The following NFASC variants were observed in gnomAD, a reference collection of about 807,000 sequenced individuals.
NFASC encodes the protein neurofascin homolog.
NFASC carries 43 observed loss-of-function variants against 147.5 expected under a neutral mutation model. The ratio of observed to expected loss-of-function variants is 0.29; its 90% CI spans 0.23 to 0.38. The LOEUF is 0.38. Ranked by LOEUF, NFASC falls within the 10% of genes least tolerant of loss-of-function variation. The probability of loss-of-function intolerance (pLI) is 1.00; values close to 1 mark genes in which losing one functional copy is unlikely to be tolerated. For synonymous variants in NFASC, 622 were observed against 665.5 expected, an observed-to-expected ratio of 0.93 and a Z score of 1.01; for missense variants, 1,320 against 1,689.0, an observed-to-expected ratio of 0.78 and a Z score of 3.83.
intron 1 of NFASC, among the ~76,000 whole-genome samples, chr1:204,855,948 A>G (rs555168327): frequency 1.6e-4 from 24 of 152,316 alleles, no homozygotes; most frequent in African/African-American, 5.8e-4. Flanking sequence ...GACCTTTTAT[A>G]TATGTTTCAT....
At chr1:204,830,006 G>GTGTGTGTGT (rs1671738105) in intron 1 of NFASC, among the ~76,000 whole-genome samples, 1 of 144,012 alleles carries the variant, frequency 6.9e-6, no homozygotes, top group African/African-American at 2.6e-5. Flanking sequence ...TTTGGCATGG[G>GTGTGTGTGT]GTGTGTGTGT....
intron 1 of NFASC, among the ~76,000 whole-genome samples, chr1:204,899,527 G>A (rs753155839): frequency 7.2e-5 from 11 of 152,280 alleles, no homozygotes; most frequent in East Asian, 5.8e-4. Context: ...TCCAGCAGAC[G>A]TTCCAGAGCC....
intron 8 of NFASC, among the ~76,000 whole-genome samples, chr1:204,959,027 A>G (rs35288741): frequency 0.29 from 44,074 of 150,886 alleles, 6,751 homozygotes; most frequent in Non-Finnish European, 0.35. Flanking sequence ...TGGATCCAAA[A>G]GGAAGCAGCT....
rs180740400 is a variant in NFASC at position 204,831,452 on chromosome 1, G to C, written c.-200+2670G>C. Among the ~76,000 whole-genome samples, 4 of 151,926 alleles carry C rather than the reference G, an allele frequency of 2.6e-5. No individual in the cohort carries two copies. In the East Asian group the frequency reaches 7.8e-4, roughly 30 times the overall value. ...TTGCATTTCTGGGGTGGGTGGGCCA[G>C]AGGAGGGTCTGATTTCTGTGGTGAG... On this transcript the variant is annotated intron_variant, in intron 1 of 29. Transcript: ENST00000339876.
chr1:204,901,965 A>T (rs959157651), intron 1 of NFASC, among the ~76,000 whole-genome samples: 1 of 152,188 alleles, frequency 6.6e-6, no homozygotes, highest in Non-Finnish European at 1.5e-5. Flanking sequence ...TCTCAATCAA[A>T]GAATAAACAA....
chr1:204,990,432 C>G (rs1243164677), intron 23 of NFASC: 1 of 152,086 alleles, frequency 6.6e-6, no homozygotes, highest in Non-Finnish European at 1.5e-5. Flanking sequence ...TAACAAAGCC[C>G]TATTGTCCAG....
intron 23 of NFASC, among the ~76,000 whole-genome samples, 171 bp from the exon 24 acceptor site, chr1:204,991,121 A>G (rs1353266630): frequency 6.6e-6 from 1 of 152,246 alleles, no homozygotes; most frequent in African/African-American, 2.4e-5. Flanking sequence ...CCTGAATGCC[A>G]GTTGGCATCC....
intron 1 of NFASC, among the ~76,000 whole-genome samples, chr1:204,839,185 C>G (rs956440115): frequency 6.6e-6 from 1 of 152,218 alleles, no homozygotes; most frequent in Admixed American, 6.5e-5. Context: ...TTGTGAGTCA[C>G]TCTTTGTTAG....
chr1:204,972,999 T>C (rs539257409), intron 11 of NFASC, among the ~76,000 whole-genome samples: 5 of 152,322 alleles, frequency 3.3e-5, no homozygotes, highest in African/African-American at 1.2e-4. Flanking sequence ...CCAAAGCTAA[T>C]GCTCTCAACC....
At chr1:204,959,962 C>T (rs923339174) in intron 8 of NFASC, among the ~76,000 whole-genome samples, 2 of 152,204 alleles carry the variant, frequency 1.3e-5, no homozygotes, top group South Asian at 2.1e-4. Flanking sequence ...GGAACAGAGC[C>T]CCATCAGCTT....
At chr1:204,855,118 G>A (rs1436433013) in intron 1 of NFASC, among the ~76,000 whole-genome samples, 1 of 152,262 alleles carries the variant, frequency 6.6e-6, no homozygotes, top group Non-Finnish European at 1.5e-5. Flanking sequence ...TCTATCTGCT[G>A]TCAGTCCACC....
intron 10 of NFASC, among the ~76,000 whole-genome samples, chr1:204,969,677 A>G (rs573378108): frequency 6.6e-6 from 1 of 152,324 alleles, no homozygotes; most frequent in South Asian, 2.1e-4. Context: ...GTAGGGGGTG[A>G]GTATCAAGAT....
In NFASC at chr1:205,016,415, G is replaced by A; in HGVS notation, c.3599G>A (p.Gly1200Asp). The A allele has an allele frequency of 1.2e-6, 2 of 1,614,110 alleles. No homozygotes were observed. The highest frequency in any genetic ancestry group is 1.7e-6 in the Non-Finnish European group (2 of 1,180,000). The part of the protein sequence containing the change: ...SLVDYGEGGE[G>D]QFNEDGSFIG... ...GTGGACTATGGCGAGGGTGGCGAGG[G>A]TCAGTTCAATGAAGACGGCTCCTTC... Residue 1200 changes from glycine (G) to aspartate (D), a missense_variant, in exon 30 of 30, where the codon GGT (glycine) becomes GAT (aspartate). Around this residue, in one of 3 missense-constraint regions of NFASC, gnomAD observed 167 missense variants for 233.8 expected, o/e 0.71. Coordinates refer to ENST00000339876, the MANE Select transcript of NFASC (RefSeq NM_001005388.3). This position sits in a 1 kb window ranked among gnomAD's most constrained non-coding sequence, Gnocchi z 5.1.
chr1:204,876,525 A>G (rs1404307442), intron 1 of NFASC, among the ~76,000 whole-genome samples: 2 of 152,194 alleles, frequency 1.3e-5, no homozygotes, highest in African/African-American at 2.4e-5. Flanking sequence ...CACTTATTAT[A>G]TAACCATCAT....
chr1:204,934,889 G>A (rs894467271), intron 2 of NFASC, among the ~76,000 whole-genome samples: 1 of 152,238 alleles, frequency 6.6e-6, no homozygotes, highest in Admixed American at 6.5e-5. Context: ...CTGTGGACGG[G>A]AGGAGGATAG....
At chr1:204,881,279 C>T (rs956516376) in intron 1 of NFASC, among the ~76,000 whole-genome samples, 2 of 152,238 alleles carry the variant, frequency 1.3e-5, no homozygotes, top group Non-Finnish European at 2.9e-5. Flanking sequence ...AAGTAGGCGA[C>T]ACCTGTGCAG....
In NFASC at chr1:205,001,322, C is replaced by T. The variant is rs376447800; in HGVS notation, c.3136+36C>T. 18 of 1,404,816 alleles carry T rather than the reference C, an allele frequency of 1.3e-5. No individual in the cohort carries two copies. The East Asian group carries it at 2.1e-4, about 17-fold the overall frequency. The allele number at this position is 1,404,816 out of a possible 1,614,324, so 87.0% of individuals were successfully genotyped here. On this transcript the variant is annotated intron_variant, in intron 26 of 29. Transcript: ENST00000339876. ...CTGTGCGGGGTGGTGGTGGCGGCAG[C>T]GGCGTCGGCAGCAGCGGCGGGTAGT...
chr1:204,878,155 A>G (rs554053260), intron 1 of NFASC, among the ~76,000 whole-genome samples: 30 of 152,332 alleles, frequency 2.0e-4, no homozygotes, highest in Non-Finnish European at 3.5e-4. Context: ...AATTTTATCA[A>G]ACATCTACTA....
intron 11 of NFASC, among the ~76,000 whole-genome samples, chr1:204,972,318 T>C (rs1365802375): frequency 6.6e-6 from 1 of 152,196 alleles, no homozygotes; most frequent in Non-Finnish European, 1.5e-5. Context: ...TTTCTAGTGG[T>C]TAAAGATGAG....
Sources: allele counts gnomAD v4.1 joint callset (sites outside exome capture counted in the v4.1 genomes callset), GRCh38; gene constraint gnomAD v4.1.1; regional missense constraint gnomAD v4.1.1; non-coding constraint Gnocchi (gnomAD v3.1); transcripts MANE v1.5; gene names NCBI Gene and HGNC (gene_info 2026-07-23, HGNC 2026-07-21).